RORB: variants seen among roughly 807,000 people sequenced by gnomAD.
The protein encoded by RORB is RAR related orphan receptor B, also known as nuclear receptor ROR-beta.
Under a neutral mutation model 59.1 loss-of-function variants are expected in RORB, and 6 were observed. The observed-to-expected ratio is 0.10, with a 90% confidence interval of 0.06 to 0.20. The LOEUF is 0.20. Ranked by LOEUF, RORB falls within the 10% of genes least tolerant of loss-of-function variation. The pLI is 1.00. For missense variants in RORB, 320 were observed against 560.5 expected, an observed-to-expected ratio of 0.57 and a Z score of 4.33; for synonymous variants, 215 against 204.5, an observed-to-expected ratio of 1.05 and a Z score of -0.44.
intron 1 of RORB, among the ~76,000 whole-genome samples, chr9:74,504,934 C>G (rs1408255689): frequency 6.6e-6 from 1 of 151,954 alleles, no homozygotes; most frequent in East Asian, 1.9e-4. Flanking sequence ...CTTTTAAAGA[C>G]TGCTACACCA....
At chr9:74,655,099 T>C (rs1181393940) in intron 4 of RORB, among the ~76,000 whole-genome samples, 1 of 152,226 alleles carries the variant, frequency 6.6e-6, no homozygotes, top group Non-Finnish European at 1.5e-5. Flanking sequence ...TATATCATTA[T>C]ATTAACTATC....
chr9:74,568,391 C>A (rs1184922232), intron 1 of RORB, among the ~76,000 whole-genome samples: 2 of 151,858 alleles, frequency 1.3e-5, no homozygotes, highest in Non-Finnish European at 2.9e-5. Flanking sequence ...GAGCAGCAAT[C>A]AATTCTTTTC....
intron 5 of RORB, among the ~76,000 whole-genome samples, chr9:74,661,636 C>CTGT (rs1554673797): frequency 3.8e-5 from 3 of 79,590 alleles, no homozygotes; most frequent in African/African-American, 9.6e-5. Flanking sequence ...TTCTTTTTTC[C>CTGT]TTTTTTTTTT....
intron 1 of RORB, among the ~76,000 whole-genome samples, chr9:74,548,846 T>C (rs1402895815): frequency 6.6e-6 from 1 of 152,196 alleles, no homozygotes; most frequent in Non-Finnish European, 1.5e-5. Flanking sequence ...ATTCTAAGGA[T>C]TTTTTTATGG....
intron 1 of RORB, among the ~76,000 whole-genome samples, chr9:74,518,143 T>C (rs1197026033): frequency 6.6e-6 from 1 of 152,008 alleles, no homozygotes; most frequent in South Asian, 2.1e-4. Flanking sequence ...CAGAGGTCTT[T>C]TCTGGGGTAC....
At chr9:74,513,626 A>T (rs1401727885) in intron 1 of RORB, among the ~76,000 whole-genome samples, 2 of 152,106 alleles carry the variant, frequency 1.3e-5, no homozygotes. Context: ...GTAACTAATA[A>T]AAGACTTTCA....
chr9:74,645,982 C>T (rs958354928), intron 4 of RORB, among the ~76,000 whole-genome samples: 14 of 152,102 alleles, frequency 9.2e-5, no homozygotes, highest in African/African-American at 3.1e-4. Context: ...AGAGTATGCA[C>T]GCTGTCATTT....
At chr9:74,606,251 A>G (rs1823147398) in intron 1 of RORB, among the ~76,000 whole-genome samples, 2 of 152,198 alleles carry the variant, frequency 1.3e-5, no homozygotes, top group African/African-American at 4.8e-5. Flanking sequence ...GAAGACAATG[A>G]ATGGCATGAT....
intron 1 of RORB, among the ~76,000 whole-genome samples, chr9:74,556,641 A>G (rs1822293577): frequency 1.3e-5 from 2 of 152,198 alleles, no homozygotes; most frequent in South Asian, 4.1e-4. Flanking sequence ...GGGTCATAGC[A>G]ATTGGCTGAT....
Position 74,688,258 on chromosome 9 carries a change from C to G in RORB, c.*2640C>G, listed in dbSNP as rs936026101. The stretch of plus-strand genomic sequence containing the variant: ...AATGGCAACCAGGACATACTCATCC[C>G]ACTTAGTTGAGAGAAGAGATTTCTA... On this transcript the variant is annotated 3_prime_UTR_variant, in exon 10 of 10. Transcript: ENST00000376896. The G allele has an allele frequency of 1.3e-5, 2 of 152,210 alleles. No homozygotes were observed. The highest frequency in any genetic ancestry group is 4.8e-5 in the African/African-American group (2 of 41,458). The allele number at this position is 152,210 out of a possible 1,614,324, so 9.4% of individuals were successfully genotyped here.
At chr9:74,599,663 C>G (rs2118316236) in intron 1 of RORB, among the ~76,000 whole-genome samples, 1 of 152,280 alleles carries the variant, frequency 6.6e-6, no homozygotes, top group African/African-American at 2.4e-5. Flanking sequence ...CACATTGTAA[C>G]CATGTAGCAA....
chr9:74,505,008 G>A (rs1016163134), intron 1 of RORB, among the ~76,000 whole-genome samples: 4 of 151,798 alleles, frequency 2.6e-5, no homozygotes, highest in African/African-American at 9.7e-5. Context: ...AATATTTTAG[G>A]ACTGAATTAG....
chr9:74,665,438 A>G, intron 6 of RORB, 50 bp from the exon 7 acceptor site: 1 of 1,128,728 alleles, frequency 8.9e-7, no homozygotes, highest in Non-Finnish European at 1.3e-6. Context: ...TTATTATTGG[A>G]TATATATGTG....
At chr9:74,549,048 T>G (rs1319223512) in intron 1 of RORB, among the ~76,000 whole-genome samples, 1 of 152,228 alleles carries the variant, frequency 6.6e-6, no homozygotes, top group African/African-American at 2.4e-5. Context: ...AAATGCGATA[T>G]TGCATCAAAT....
At chr9:74,648,029 T>G (rs999962431) in intron 4 of RORB, among the ~76,000 whole-genome samples, 2 of 152,244 alleles carry the variant, frequency 1.3e-5, no homozygotes, top group Non-Finnish European at 2.9e-5. Context: ...ATATATTTCC[T>G]GTGTCCTGTG....
chr9:74,604,782 G>T (rs1425683138), intron 1 of RORB, among the ~76,000 whole-genome samples: 2 of 152,180 alleles, frequency 1.3e-5, no homozygotes, highest in East Asian at 3.9e-4. Flanking sequence ...AGATTCCCCA[G>T]GCTTTGTTGA....
At chr9:74,505,869 G>T (rs889357925) in intron 1 of RORB, among the ~76,000 whole-genome samples, 2 of 151,552 alleles carry the variant, frequency 1.3e-5, no homozygotes, top group Non-Finnish European at 2.9e-5. Context: ...GTTCTCAAGT[G>T]ACAATTGAAA....
At chr9:74,640,425 G>A (rs959582234) in intron 3 of RORB, among the ~76,000 whole-genome samples, 9 of 134,402 alleles carry the variant, frequency 6.7e-5, no homozygotes, top group Non-Finnish European at 1.5e-4. Context: ...CACCATACTC[G>A]GCTAATTCTG....
intron 1 of RORB, among the ~76,000 whole-genome samples, chr9:74,578,556 A>C (rs1822671988): frequency 6.6e-6 from 1 of 152,174 alleles, no homozygotes; most frequent in Non-Finnish European, 1.5e-5. Context: ...AAGACAAAAA[A>C]TTAATAAAAT....
Sources: allele counts gnomAD v4.1 joint callset (sites outside exome capture counted in the v4.1 genomes callset), GRCh38; gene constraint gnomAD v4.1.1; transcripts MANE v1.5; gene names NCBI Gene and HGNC (gene_info 2026-07-23, HGNC 2026-07-21).